LGR5: variants seen among roughly 807,000 people sequenced by gnomAD.
LGR5 encodes leucine rich repeat containing G protein-coupled receptor 5.
A neutral mutation model predicts 76.7 loss-of-function variants in LGR5; 54 were observed. The ratio of observed to expected loss-of-function variants is 0.70; its 90% confidence interval spans 0.57 to 0.88. The LOEUF (loss-of-function observed/expected upper bound fraction) is 0.88. LGR5 is among the 40% of genes least tolerant of loss of function. LGR5 has a pLI of 0.00. For missense variants in LGR5, 1,078 were observed against 1,073.3 expected (o/e 1.00, Z -0.06); for synonymous variants, 406 against 421.9 (o/e 0.96, Z 0.46).
intron 1 of LGR5, among the ~76,000 whole-genome samples, chr12:71,452,174 C>T (rs932965593): frequency 6.6e-6 from 1 of 152,190 alleles, no homozygotes; most frequent in Non-Finnish European, 1.5e-5. Context: ...TCCTGTGTGG[C>T]TCTGCATGGA....
rs761993414 is a variant in LGR5 at position 71,566,887 on chromosome 12, A to G, written c.1045A>G (p.Asn349Asp). 2.2e-5 allele frequency: 35 copies of G among 1,613,726 alleles called. 1 individual carries two copies. The South Asian group carries it at 3.1e-4, about 14-fold the overall frequency. The change falls in exon 11 of 18, where the codon AAT (asparagine) becomes GAT (aspartate). Residue 349 changes from asparagine (N) to aspartate (D), a missense_variant. Transcript: ENST00000266674. Reference sequence around the variant, plus strand: ...CTCATCTCTTCCTCAAACCGTCTGCAATCAGTTACCTAATCTCCAAGTGCT... The same window carrying G: ...CTCATCTCTTCCTCAAACCGTCTGCGATCAGTTACCTAATCTCCAAGTGCT... Reference protein sequence around the residue: ...QISSLPQTVCNQLPNLQVLDL... With the variant: ...QISSLPQTVCDQLPNLQVLDL...
chr12:71,448,108 C>CAA (rs1872096423), intron 1 of LGR5, among the ~76,000 whole-genome samples: 1 of 151,878 alleles, frequency 6.6e-6, no homozygotes, highest in Non-Finnish European at 1.5e-5. Flanking sequence ...CACACACACA[C>CAA]ACACAAACTG....
chr12:71,563,564 A>G (rs558963543), intron 8 of LGR5, among the ~76,000 whole-genome samples: 1 of 152,190 alleles, frequency 6.6e-6, no homozygotes, highest in Non-Finnish European at 1.5e-5. Flanking sequence ...CCTGTCAACC[A>G]GTTCCCCAAA....
At chr12:71,460,055 C>T (rs1252820870) in intron 1 of LGR5, among the ~76,000 whole-genome samples, 1 of 152,000 alleles carries the variant, frequency 6.6e-6, no homozygotes, top group Non-Finnish European at 1.5e-5. Flanking sequence ...ATCATTCACT[C>T]CACTTGGAGT....
rs554627286 is a variant in LGR5, at chr12:71,509,295, T to A, written c.284+4610T>A. On this transcript the variant is annotated intron_variant, in intron 2 of 17. Transcript: ENST00000266674. ...ACGTTGGTAAACTATATTCTGTATA[T>A]ACAGTTGTATTAGTAAAATGAAAAC... 3.7e-3 allele frequency among the ~76,000 whole-genome samples: 562 copies of A among 152,334 alleles called. 2 individuals carry two copies. Among genetic ancestry groups the A allele is most frequent in the Non-Finnish European group, 6.3e-3 (430 of 68,018 alleles).
intron 1 of LGR5, among the ~76,000 whole-genome samples, chr12:71,463,974 G>A (rs1447412365): frequency 1.3e-5 from 2 of 152,100 alleles, no homozygotes; most frequent in Non-Finnish European, 2.9e-5. Flanking sequence ...CACTGTCTCA[G>A]AGGTTAGCTG....
intron 3 of LGR5, among the ~76,000 whole-genome samples, chr12:71,530,536 C>A (rs1876252723): frequency 6.6e-6 from 1 of 152,138 alleles, no homozygotes; most frequent in Non-Finnish European, 1.5e-5. Flanking sequence ...TTGGCTAGGT[C>A]TGTTTTACAT....
intron 1 of LGR5, among the ~76,000 whole-genome samples, chr12:71,502,267 A>T (rs1310194949): frequency 7.0e-6 from 1 of 142,592 alleles, no homozygotes; most frequent in Non-Finnish European, 1.5e-5. Context: ...GTACAACCTC[A>T]GCTCACTGCA....
chr12:71,565,421 G>GATATATATATATATATATATATATATAT (rs1565762535), intron 8 of LGR5, among the ~76,000 whole-genome samples: 2 of 144,154 alleles, frequency 1.4e-5, no homozygotes, highest in African/African-American at 5.6e-5. Context: ...GATCAATTGA[G>GATATATATATATATATATATATATATAT]CTATATATAT....
intron 13 of LGR5, among the ~76,000 whole-genome samples, chr12:71,574,040 T>A (rs1878738002): frequency 6.6e-6 from 1 of 151,954 alleles, no homozygotes; most frequent in South Asian, 2.1e-4. Flanking sequence ...CGGTTTGATG[T>A]CTGGCTGCCC....
intron 1 of LGR5, among the ~76,000 whole-genome samples, chr12:71,467,432 AAG>A (rs1872911974): frequency 6.6e-6 from 1 of 152,176 alleles, no homozygotes; most frequent in Non-Finnish European, 1.5e-5. Context: ...CCCAGTACTG[AAG>A]ATAGTAGGCA....
chr12:71,476,760 C>A (rs1256278531), intron 1 of LGR5, among the ~76,000 whole-genome samples: 1 of 152,152 alleles, frequency 6.6e-6, no homozygotes, highest in Non-Finnish European at 1.5e-5. Context: ...GGAAAGAAAT[C>A]TGTTGGGAAC....
intron 13 of LGR5, among the ~76,000 whole-genome samples, chr12:71,575,200 G>T (rs539532487): frequency 6.6e-6 from 1 of 152,114 alleles, no homozygotes; most frequent in South Asian, 2.1e-4. Flanking sequence ...TGAGGGTTAT[G>T]AGACTAAAAC....
intron 1 of LGR5, among the ~76,000 whole-genome samples, chr12:71,490,684 T>C (rs1375522356): frequency 6.6e-6 from 1 of 152,164 alleles, no homozygotes; most frequent in African/African-American, 2.4e-5. Flanking sequence ...GGCCACTAGA[T>C]CTAACTGGAG....
chr12:71,509,145 T>A (rs746769179), intron 2 of LGR5, among the ~76,000 whole-genome samples: 1 of 152,116 alleles, frequency 6.6e-6, no homozygotes, highest in Non-Finnish European at 1.5e-5. Flanking sequence ...AAGCCCAGGA[T>A]TCCCATCCTG....
At chr12:71,524,380 T>A (rs778425961) in intron 2 of LGR5, 26 bp from the exon 3 acceptor site, 1 of 1,563,420 alleles carries the variant, frequency 6.4e-7, no homozygotes, top group Non-Finnish European at 8.8e-7. Flanking sequence ...ATGCTCACTC[T>A]CTCTCCTCTC....
chr12:71,545,761 T>C (rs1208761853), intron 4 of LGR5, among the ~76,000 whole-genome samples: 1 of 152,140 alleles, frequency 6.6e-6, no homozygotes, highest in Non-Finnish European at 1.5e-5. Context: ...GTGTGATACA[T>C]TGACAAGGTG....
At chr12:71,546,653 C>T (rs1012290283) in intron 4 of LGR5, among the ~76,000 whole-genome samples, 30 of 152,116 alleles carry the variant, frequency 2.0e-4, no homozygotes, top group African/African-American at 6.8e-4. Flanking sequence ...ACCCTGATGA[C>T]TGCAACTGCC....
rs545415806 is a variant in LGR5 at position 71,574,234 on chromosome 12, C to T, written c.1208+1313C>T. On this transcript the variant is annotated intron_variant, in intron 13 of 17. Coordinates refer to ENST00000266674, the MANE Select transcript of LGR5 (RefSeq NM_003667.4). ...AGGAGAATTGCTTGAACCCAGCAGGCGGAGGTTGCAGTGAGCCGAGATCAC... is the reference window on the plus strand; with the variant it reads ...AGGAGAATTGCTTGAACCCAGCAGGTGGAGGTTGCAGTGAGCCGAGATCAC... 3.3e-4 allele frequency among the ~76,000 whole-genome samples: 41 copies of T among 122,942 alleles called. 2 individuals are homozygous for T. In the South Asian group the frequency reaches 0.011, roughly 33 times the overall value. The allele number at this position is 122,942 out of a possible 152,430, so 80.7% of individuals were successfully genotyped here. A position where few individuals can be genotyped will look rare whatever the true frequency, so the allele number is the denominator to read the frequency against.
Sources: gnomAD v4.1 joint callset for allele counts (sites outside exome capture counted in the v4.1 genomes callset) on GRCh38, gnomAD v4.1.1 for gene constraint, MANE v1.5 for transcripts, NCBI Gene and HGNC (gene_info 2026-07-23, HGNC 2026-07-21) for gene names.